The following RAB9A variants were observed in gnomAD, a reference collection of about 807,000 sequenced individuals.
RAB9A encodes the protein RAB9A, member RAS oncogene family.
Under a neutral mutation model 10.3 loss-of-function variants are expected in RAB9A, and 1 was observed. That is an observed-to-expected ratio of 0.10 (90% CI 0.03 to 0.46). The LOEUF (loss-of-function observed/expected upper bound fraction) is 0.46. Among genes scored for constraint, RAB9A ranks in the 20% least tolerant of loss-of-function variants. The pLI, the probability that RAB9A is intolerant of heterozygous loss-of-function variation, is 0.96. For missense variants in RAB9A, 92 were observed against 150.3 expected, an observed-to-expected ratio of 0.61 and a Z score of 2.03; for synonymous variants, 39 against 55.2, an observed-to-expected ratio of 0.71 and a Z score of 1.30.
At chrX:13,695,071 AC>A (rs964919237) in intron 1 of RAB9A, among the ~76,000 whole-genome samples, 6 of 111,316 alleles carry the variant, frequency 5.4e-5, no homozygotes, top group African/African-American at 2.0e-4. Flanking sequence ...CCTTTCAGGG[AC>A]CCCTCGAGCC....
chrX:13,701,263 A>G (rs1602698014), intron 1 of RAB9A, among the ~76,000 whole-genome samples: 1 of 108,501 alleles, frequency 9.2e-6, no homozygotes, highest in South Asian at 4.1e-4. Context: ...TGAATCTACC[A>G]TCTCCATATT....
chrX:13,696,262 T>TA lies in RAB9A; in HGVS notation c.-116+6984dup, dbSNP rs1209064310. Among the ~76,000 whole-genome samples the TA allele has an allele frequency of 2.9e-3, 298 of 101,159 alleles. 9 individuals are homozygous for TA. In the East Asian group the frequency reaches 0.068, roughly 23 times the overall value. The allele number at this position is 101,159 out of a possible 115,157, so 87.8% of individuals were successfully genotyped here. A position where few individuals can be genotyped will look rare whatever the true frequency, so the allele number is the denominator to read the frequency against. Reference sequence around the variant, plus strand: ...GTCATTACAAAAAAAAAAAAAAAATTAAAAAAAAAATTAGCCAGTCTTGGT... The same window carrying TA: ...GTCATTACAAAAAAAAAAAAAAAATTAAAAAAAAAAATTAGCCAGTCTTGGT... On this transcript the variant is annotated intron_variant, in intron 1 of 2. Transcript: ENST00000464506.
intron 2 of RAB9A, among the ~76,000 whole-genome samples, chrX:13,707,264 T>A (rs1036807042): frequency 8.9e-6 from 1 of 112,178 alleles, no homozygotes; most frequent in African/African-American, 3.2e-5. Context: ...CTTATATACA[T>A]TTTAGTATAC....
chrX:13,707,597 TAA>T (rs1432271173), intron 2 of RAB9A, among the ~76,000 whole-genome samples: 1 of 111,784 alleles, frequency 8.9e-6, no homozygotes, highest in African/African-American at 3.3e-5. Context: ...TGTAGTGTAG[TAA>T]AGTTTTTAAT....
chrX:13,701,997 C>G (rs2046176151), intron 1 of RAB9A, among the ~76,000 whole-genome samples: 1 of 111,219 alleles, frequency 9.0e-6, no homozygotes, highest in South Asian at 3.8e-4. Flanking sequence ...GACTCCTTAT[C>G]TGACCAGGTC....
chrX:13,692,573 G>T (rs895209433), intron 1 of RAB9A, among the ~76,000 whole-genome samples: 1 of 112,052 alleles, frequency 8.9e-6, no homozygotes, highest in Non-Finnish European at 1.9e-5. Context: ...AGAAAGAAAT[G>T]ATGAATTTTT....
At chrX:13,689,569 T>G (rs1269713750) in intron 1 of RAB9A, among the ~76,000 whole-genome samples, 1 of 111,633 alleles carries the variant, frequency 9.0e-6, no homozygotes, top group Non-Finnish European at 1.9e-5. Context: ...CCCGTGCACA[T>G]ACACACGGAG....
At chrX:13,694,666 G>A (rs1001156127) in intron 1 of RAB9A, among the ~76,000 whole-genome samples, 7 of 111,978 alleles carry the variant, frequency 6.3e-5, no homozygotes, top group South Asian at 7.5e-4. Flanking sequence ...TGAATTTGCC[G>A]TGATGCTTTG....
At chrX:13,707,497 G>C (rs2046203020) in intron 2 of RAB9A, among the ~76,000 whole-genome samples, 1 of 111,576 alleles carries the variant, frequency 9.0e-6, no homozygotes, top group Non-Finnish European at 1.9e-5. Context: ...GTAAGCAGAA[G>C]GATTAACCAG....
intron 1 of RAB9A, among the ~76,000 whole-genome samples, chrX:13,691,159 C>A (rs1292934848): frequency 9.0e-6 from 1 of 111,359 alleles, no homozygotes; most frequent in African/African-American, 3.3e-5. Flanking sequence ...GACAGCCCCC[C>A]ACAACAGAGT....
chrX:13,709,466 CTA>C lies in RAB9A; in HGVS notation c.*115_*116del, dbSNP rs2046212434. 1.3e-5 allele frequency: 11 copies of C among 860,814 alleles called. No individual in the cohort carries two copies. In the South Asian group the frequency reaches 2.9e-4, roughly 23 times the overall value. The allele number at this position is 860,814 out of a possible 1,213,427, so 70.9% of individuals were successfully genotyped here. A position where few individuals can be genotyped will look rare whatever the true frequency, so the allele number is the denominator to read the frequency against. ...TGTATCATCTACTAATAAAATTAAACTAATGTTGCTGCTTCATTAGTTGGTGG... is the reference window on the plus strand; with the variant it reads ...TGTATCATCTACTAATAAAATTAAACATGTTGCTGCTTCATTAGTTGGTGG... On this transcript the variant is annotated 3_prime_UTR_variant, in exon 3 of 3. Transcript: ENST00000464506.
intron 1 of RAB9A, among the ~76,000 whole-genome samples, chrX:13,692,437 C>T (rs763163286): frequency 8.9e-6 from 1 of 112,354 alleles, no homozygotes; most frequent in Non-Finnish European, 1.9e-5. Flanking sequence ...TAGTTTTGTA[C>T]GGTTAACCAC....
rs751024189 is a variant in RAB9A, at chrX:13,691,432, T to C, written c.-116+2144T>C. On this transcript the variant is annotated intron_variant, in intron 1 of 2. Coordinates refer to ENST00000464506, the MANE Select transcript of RAB9A (RefSeq NM_004251.5). ...ATCCCAGCACTTTGGGAGGCCGAGG[T>C]GGGCGGATCACGAGGTCAGGAGTTT... Among the ~76,000 whole-genome samples, 5 of 110,635 alleles carry C rather than the reference T, an allele frequency of 4.5e-5. No individual in the cohort carries two copies. The East Asian group carries it at 8.5e-4, about 19-fold the overall frequency.
chrX:13,709,439 A>C lies in RAB9A; in HGVS notation c.*87A>C, dbSNP rs1431059268. 9.8e-7 allele frequency: 1 copy of C among 1,017,216 alleles called. No homozygotes were observed. The highest frequency in any genetic ancestry group is 1.3e-6 in the Non-Finnish European group (1 of 754,352). 83.8% of individuals were successfully genotyped at this position (1,017,216 alleles called of 1,213,427 possible). On this transcript the variant is annotated 3_prime_UTR_variant, in exon 3 of 3. Coordinates refer to ENST00000464506, the MANE Select transcript of RAB9A (RefSeq NM_004251.5). ...GGAGAAGAGAATTAGCGTTTGCAGC[A>C]GTGTATCATCTACTAATAAAATTAA...
intron 2 of RAB9A, among the ~76,000 whole-genome samples, chrX:13,705,290 A>G (rs1036010202): frequency 8.9e-6 from 1 of 111,791 alleles, no homozygotes; most frequent in African/African-American, 3.3e-5. Flanking sequence ...AGAGATATTC[A>G]TGTAGAAATT....
intron 1 of RAB9A, among the ~76,000 whole-genome samples, chrX:13,702,145 C>G (rs772772188): frequency 1.8e-5 from 2 of 112,009 alleles, no homozygotes; most frequent in Admixed American, 9.5e-5. Flanking sequence ...TCTTCACTCT[C>G]TAGCCTCCGG....
chrX:13,689,770 CTT>C (rs2046111832), intron 1 of RAB9A, among the ~76,000 whole-genome samples: 1 of 111,897 alleles, frequency 8.9e-6, no homozygotes, highest in Non-Finnish European at 1.9e-5. Flanking sequence ...TGCTCGATGT[CTT>C]ACGACCACTC....
chrX:13,704,157 T>A (rs181276125), intron 2 of RAB9A, among the ~76,000 whole-genome samples: 116 of 112,085 alleles, frequency 1.0e-3, no homozygotes, highest in Non-Finnish European at 1.9e-3. Context: ...GTCTTCCCTT[T>A]TGTGTTATCT....
At chrX:13,706,432 C>G (rs1277153473) in intron 2 of RAB9A, among the ~76,000 whole-genome samples, 2 of 111,429 alleles carry the variant, frequency 1.8e-5, no homozygotes, top group Non-Finnish European at 3.8e-5. Context: ...TGCTTTGTCA[C>G]CTAGGCTGGA....
Sources: gnomAD v4.1 joint callset for allele counts (sites outside exome capture counted in the v4.1 genomes callset) on GRCh38, gnomAD v4.1.1 for gene constraint, MANE v1.5 for transcripts, NCBI Gene and HGNC (gene_info 2026-07-23, HGNC 2026-07-21) for gene names.